The following MORC1 variants were observed in gnomAD, a reference collection of about 807,000 sequenced individuals.
MORC1 encodes MORC family CW-type zinc finger 1, also known as MORC family CW-type zinc finger protein 1.
Under a neutral mutation model 134.9 loss-of-function variants are expected in MORC1, and 59 were observed. The ratio of observed to expected loss-of-function variants is 0.44; its 90% CI spans 0.35 to 0.54. The LOEUF (loss-of-function observed/expected upper bound fraction) is 0.54. Among genes scored for constraint, MORC1 ranks in the 20% least tolerant of loss-of-function variants. The pLI is 0.00. For synonymous variants in MORC1, 395 were observed against 391.7 expected (o/e 1.01, Z -0.10); for missense variants, 947 against 1,134.5 (o/e 0.83, Z 2.37).
intron 2 of MORC1, among the ~76,000 whole-genome samples, chr3:109,111,198 G>A (rs2107803797): frequency 6.6e-6 from 1 of 152,092 alleles, no homozygotes; most frequent in Admixed American, 6.5e-5. Context: ...GAACATACAT[G>A]GAAGGAAAGA....
At chr3:109,011,524 G>GTTTTTT (rs577815272) in intron 17 of MORC1, among the ~76,000 whole-genome samples, 2 of 138,348 alleles carry the variant, frequency 1.4e-5, no homozygotes, top group Non-Finnish European at 1.6e-5. Context: ...CTTTGTTTTT[G>GTTTTTT]TTTTTTTTTT....
intron 8 of MORC1, among the ~76,000 whole-genome samples, chr3:109,088,894 C>A (rs537811827): frequency 6.6e-6 from 1 of 151,972 alleles, no homozygotes; most frequent in African/African-American, 2.4e-5. Flanking sequence ...TATAAAAGAA[C>A]GAGATCATGT....
chr3:109,044,414 C>G (rs1949636039), intron 14 of MORC1, among the ~76,000 whole-genome samples: 1 of 151,766 alleles, frequency 6.6e-6, no homozygotes, highest in Non-Finnish European at 1.5e-5. Context: ...AAAAATTAGC[C>G]AGGCATGGTG....
At chr3:108,974,898 T>C (rs1360339326) in intron 24 of MORC1, among the ~76,000 whole-genome samples, 1 of 152,230 alleles carries the variant, frequency 6.6e-6, no homozygotes, top group Non-Finnish European at 1.5e-5. Context: ...ATCTGCAAGT[T>C]TGAATTCAAA....
intron 16 of MORC1, 40 bp downstream of exon 16, chr3:109,032,680 T>C (rs1949267788): frequency 7.3e-7 from 1 of 1,372,802 alleles, no homozygotes; most frequent in Non-Finnish European, 1.0e-6. Context: ...CTTTAGAAAT[T>C]AAAAATGAAT....
At chr3:109,042,803 C>T (rs1315665502) in intron 14 of MORC1, among the ~76,000 whole-genome samples, 3 of 152,048 alleles carry the variant, frequency 2.0e-5, no homozygotes, top group South Asian at 2.1e-4. Context: ...GTGAACATTA[C>T]GTTAAGTGAA....
intron 11 of MORC1, among the ~76,000 whole-genome samples, chr3:109,061,658 T>C (rs1283573762): frequency 6.6e-6 from 1 of 152,212 alleles, no homozygotes; most frequent in Non-Finnish European, 1.5e-5. Flanking sequence ...TTTTTTCTTC[T>C]GCTGGCTTTT....
intron 8 of MORC1, among the ~76,000 whole-genome samples, chr3:109,087,192 T>A (rs1055262213): frequency 2.0e-5 from 3 of 149,812 alleles, no homozygotes; most frequent in African/African-American, 7.4e-5. Flanking sequence ...CAAGGGAGAG[T>A]GAGGTATATG....
rs769952130 is a variant in MORC1, at chr3:108,978,182, CTTT to C, written c.2477+1330_2477+1332del. ...ATGAGCCACTGCGCCCGGCCAAGGC[CTTT>C]TTCAACCTTATAATGCCTGAACCAT... On this transcript the variant is annotated intron_variant, in intron 24 of 27. Transcript: ENST00000232603. Among the ~76,000 whole-genome samples the C allele has an allele frequency of 7.6e-4, 115 of 152,246 alleles. No homozygotes were observed. In the Middle Eastern group the frequency reaches 0.014, roughly 18 times the overall value.
intron 8 of MORC1, among the ~76,000 whole-genome samples, chr3:109,075,346 G>C (rs924590236): frequency 3.3e-5 from 5 of 152,104 alleles, no homozygotes; most frequent in Admixed American, 6.6e-5. Flanking sequence ...CACACAATGG[G>C]AATTATTAAA....
chr3:109,114,109 T>C (rs1951224220), intron 2 of MORC1, among the ~76,000 whole-genome samples: 3 of 152,220 alleles, frequency 2.0e-5, no homozygotes, highest in African/African-American at 7.2e-5. Context: ...CACTGACATA[T>C]AATTCAAAAA....
chr3:108,973,343 G>A (rs574694373), intron 24 of MORC1, among the ~76,000 whole-genome samples: 2 of 152,186 alleles, frequency 1.3e-5, no homozygotes, highest in South Asian at 4.2e-4. Context: ...ATGCTTGGAG[G>A]ACAATGAGAA....
intron 17 of MORC1, among the ~76,000 whole-genome samples, chr3:109,012,141 A>G (rs12637331): frequency 1.3e-5 from 2 of 151,248 alleles, no homozygotes; most frequent in Admixed American, 6.6e-5. Context: ...GTAAGAATCA[A>G]TGTTTGTTAT....
intron 16 of MORC1, among the ~76,000 whole-genome samples, chr3:109,028,528 G>C (rs1426233531): frequency 1.3e-5 from 2 of 152,000 alleles, no homozygotes; most frequent in Non-Finnish European, 2.9e-5. Context: ...ATAACTTGTG[G>C]GTTAGTAAAT....
intron 9 of MORC1, among the ~76,000 whole-genome samples, chr3:109,068,905 C>T (rs751137202): frequency 6.6e-6 from 1 of 152,238 alleles, no homozygotes; most frequent in African/African-American, 2.4e-5. Flanking sequence ...CCTGCAATCC[C>T]AGCACTTTGG....
chr3:109,041,970 A>G (rs1365125363), intron 14 of MORC1, among the ~76,000 whole-genome samples: 1 of 152,102 alleles, frequency 6.6e-6, no homozygotes, highest in Admixed American at 6.6e-5. Flanking sequence ...AATAAAAGTG[A>G]ACAGAGCCTA....
chr3:108,971,161 A>G (rs1376786942), intron 25 of MORC1, among the ~76,000 whole-genome samples, 169 bp downstream of exon 25: 3 of 152,208 alleles, frequency 2.0e-5, no homozygotes, highest in Admixed American at 6.5e-5. Context: ...CACAGCCACA[A>G]TAATTTCAAA....
intron 24 of MORC1, 134 bp downstream of exon 24, chr3:108,979,381 T>C (rs1449483109): frequency 1.0e-5 from 10 of 963,922 alleles, no homozygotes; most frequent in Non-Finnish European, 1.6e-5. Flanking sequence ...TCAGCATAGT[T>C]AGGAGACAAG....
At chr3:109,007,618 C>T (rs1438466007) in intron 17 of MORC1, among the ~76,000 whole-genome samples, 1 of 152,182 alleles carries the variant, frequency 6.6e-6, no homozygotes, top group Non-Finnish European at 1.5e-5. Context: ...ATGACTTTCC[C>T]AACCTTGTCC....
Sources: allele counts gnomAD v4.1 joint callset (sites outside exome capture counted in the v4.1 genomes callset), GRCh38; gene constraint gnomAD v4.1.1; transcripts MANE v1.5; gene names NCBI Gene and HGNC (gene_info 2026-07-23, HGNC 2026-07-21).